Variants in RIMKLB observed in about 807,000 individuals in gnomAD.
The protein encoded by RIMKLB is ribosomal modification protein rimK like family member B, also known as beta-citrylglutamate synthase B.
In RIMKLB, 7 loss-of-function variants were observed where a neutral mutation model predicts 32.0. The observed-to-expected ratio is 0.22, with a 90% confidence interval of 0.12 to 0.41. The LOEUF (loss-of-function observed/expected upper bound fraction) is 0.41. Ranked by LOEUF, RIMKLB falls within the 10% of genes least tolerant of loss-of-function variation. The pLI is 1.00. For synonymous variants in RIMKLB, 172 were observed against 185.1 expected (o/e 0.93, Z 0.57); for missense variants, 289 against 498.7 (o/e 0.58, Z 4.00).
At chr12:8,705,356 A>G (rs1393542081) in intron 1 of RIMKLB, among the ~76,000 whole-genome samples, 1 of 151,972 alleles carries the variant, frequency 6.6e-6, no homozygotes, top group East Asian at 1.9e-4. Flanking sequence ...ACACGCCTGT[A>G]GTCCCAGCTA....
intron 2 of RIMKLB, among the ~76,000 whole-genome samples, chr12:8,716,891 T>G (rs775232692): frequency 6.6e-6 from 1 of 151,564 alleles, no homozygotes; most frequent in Admixed American, 6.6e-5. Flanking sequence ...TTTTCCTCTC[T>G]AGCATTTTCA....
At chr12:8,735,717 G>GT (rs11353803) in intron 2 of RIMKLB, among the ~76,000 whole-genome samples, 2,229 of 143,732 alleles carry the variant, frequency 0.016, 48 homozygotes, top group African/African-American at 0.044. Context: ...GACTTTCTTC[G>GT]TTTTTTTTTT....
intron 1 of RIMKLB, among the ~76,000 whole-genome samples, chr12:8,692,003 G>GTT (rs148856997): frequency 1.4e-4 from 21 of 149,534 alleles, no homozygotes; most frequent in African/African-American, 3.2e-4. Flanking sequence ...CCAAGAGAGG[G>GTT]TTTTTTTTTT....
upstream of RIMKLB, chr12:8,697,615 C>T (rs1343087125): frequency 1.6e-5 from 3 of 183,304 alleles, no homozygotes; most frequent in Non-Finnish European, 3.6e-5. Flanking sequence ...CATCCGTTTC[C>T]CTTTCTCAGT....
intron 1 of RIMKLB, among the ~76,000 whole-genome samples, chr12:8,711,400 GAAAA>G (rs148274515): frequency 2.0e-5 from 3 of 148,964 alleles, no homozygotes; most frequent in East Asian, 2.0e-4. Context: ...GTCTCAGAAA[GAAAA>G]AAAAAATCAT....
At chr12:8,707,604 C>T (rs1433929480) in intron 1 of RIMKLB, among the ~76,000 whole-genome samples, 13 of 152,174 alleles carry the variant, frequency 8.5e-5, no homozygotes, top group Admixed American at 5.2e-4. Context: ...GCCCGTCTCC[C>T]GTCTCCAGAG....
intron 2 of RIMKLB, among the ~76,000 whole-genome samples, chr12:8,748,536 GT>G (rs1948320055): frequency 9.2e-6 from 1 of 109,224 alleles, no homozygotes; most frequent in Non-Finnish European, 2.1e-5. Flanking sequence ...GTGTGTGTGT[GT>G]GTGTGTGTGT....
rs1004822186 is a variant in RIMKLB, at chr12:8,775,745, G to A, written c.*1961G>A. 1.5e-5 allele frequency: 15 copies of A among 985,102 alleles called. No homozygotes were observed. The African/African-American group carries it at 2.6e-4, about 17-fold the overall frequency. 61.0% of individuals were successfully genotyped at this position (985,102 alleles called of 1,614,324 possible). ...ATTGAGTGAAAGGTTGATTGTTGAT[G>A]AATAGAATAGTACCTCTCATCTGTG... On this transcript the variant is annotated 3_prime_UTR_variant, in exon 6 of 6. Transcript: ENST00000535829.
intron 1 of RIMKLB, among the ~76,000 whole-genome samples, chr12:8,710,307 CTTTTTTTT>C (rs762963381): frequency 8.0e-6 from 1 of 125,602 alleles, no homozygotes; most frequent in Non-Finnish European, 1.7e-5. Flanking sequence ...TTGTTTCCTT[CTTTTTTTT>C]TTTTTTTTTT....
intron 1 of RIMKLB, among the ~76,000 whole-genome samples, chr12:8,709,524 C>T (rs1391002102): frequency 6.6e-6 from 1 of 152,250 alleles, no homozygotes; most frequent in Non-Finnish European, 1.5e-5. Flanking sequence ...ACACTTCTGG[C>T]ATCTCAGATG....
In RIMKLB at chr12:8,732,011, C is replaced by T. The variant is rs142743414; in HGVS notation, c.176-17851C>T. Among the ~76,000 whole-genome samples the T allele has an allele frequency of 4.5e-3, 679 of 152,142 alleles. 5 individuals are homozygous for T. Among genetic ancestry groups the T allele is most frequent in the Middle Eastern group, 0.037 (11 of 294 alleles). On this transcript the variant is annotated intron_variant, in intron 2 of 5. Coordinates refer to ENST00000535829, the MANE Select transcript of RIMKLB (RefSeq NM_001297776.2). The stretch of plus-strand genomic sequence containing the variant: ...TAGAGTATGAAGTACTCTCCTTCCT[C>T]TTCCCCTGCCCAAGTTTGTTTCTTG...
At chr12:8,747,820 A>G (rs1339209375) in intron 2 of RIMKLB, among the ~76,000 whole-genome samples, 2 of 151,890 alleles carry the variant, frequency 1.3e-5, no homozygotes, top group African/African-American at 4.8e-5. Flanking sequence ...CAGTGGCACA[A>G]TCTCAGTTTA....
At chr12:8,728,763 TTGTG>T (rs375795748) in intron 2 of RIMKLB, among the ~76,000 whole-genome samples, 5,579 of 149,552 alleles carry the variant, frequency 0.037, 320 homozygotes, top group African/African-American at 0.13. Context: ...GCTCTGCTAA[TTGTG>T]TGTGTGTGTG....
chr12:8,775,442 C>T lies in RIMKLB; in HGVS notation c.*1658C>T, dbSNP rs570155554. The T allele has an allele frequency of 1.0e-6, 1 of 985,506 alleles. No individual in the cohort carries two copies. The highest frequency in any genetic ancestry group is 6.1e-5 in the Admixed American group (1 of 16,262). 61.0% of individuals were successfully genotyped at this position (985,506 alleles called of 1,614,324 possible). ...TTAAGAAATGGAGATGCTGCAGAGC[C>T]CAACGTAATTTTTTAAACAGCAAGT... On this transcript the variant is annotated 3_prime_UTR_variant, in exon 6 of 6. Transcript: ENST00000535829.
chr12:8,711,980 C>T (rs1944415996), intron 1 of RIMKLB, among the ~76,000 whole-genome samples: 1 of 152,066 alleles, frequency 6.6e-6, no homozygotes, highest in Admixed American at 6.6e-5. Flanking sequence ...TTGCACTGTA[C>T]CTTTCCCATA....
intron 1 of RIMKLB, chr12:8,699,914 G>C (rs1260061271): frequency 6.6e-6 from 1 of 152,048 alleles, no homozygotes; most frequent in African/African-American, 2.4e-5. Context: ...TTCCTGCCTT[G>C]CCCCCCCGCA....
At chr12:8,732,985 T>G (rs1946687993) in intron 2 of RIMKLB, among the ~76,000 whole-genome samples, 1 of 152,226 alleles carries the variant, frequency 6.6e-6, no homozygotes, top group South Asian at 2.1e-4. Context: ...TTTGCAACTT[T>G]GAATAAGTCA....
intron 1 of RIMKLB, among the ~76,000 whole-genome samples, chr12:8,707,731 C>A (rs940710826): frequency 2.6e-5 from 4 of 152,294 alleles, no homozygotes; most frequent in African/African-American, 9.6e-5. Flanking sequence ...TATTAGCATA[C>A]AGAAAGACAT....
chr12:8,777,215 C>CTTTTTT (rs35828763), downstream of RIMKLB: 3,210 of 701,372 alleles, frequency 4.6e-3, 6 homozygotes, highest in Admixed American at 9.6e-3. Context: ...TGCTTGCTTT[C>CTTTTTT]TTTTTTTTTT....
Sources: gnomAD v4.1 joint callset for allele counts (sites outside exome capture counted in the v4.1 genomes callset) on GRCh38, gnomAD v4.1.1 for gene constraint, MANE v1.5 for transcripts, NCBI Gene and HGNC (gene_info 2026-07-23, HGNC 2026-07-21) for gene names.